Variants in CHSY1 observed in about 807,000 individuals in gnomAD.
The protein encoded by CHSY1 is chondroitin sulfate synthase 1.
In CHSY1, 13 loss-of-function variants were observed where a neutral mutation model predicts 59.8. The ratio of observed to expected loss-of-function variants is 0.22; its 90% confidence interval spans 0.14 to 0.35. The LOEUF (loss-of-function observed/expected upper bound fraction) is 0.35. Ranked by LOEUF, CHSY1 falls within the 10% of genes least tolerant of loss-of-function variation. The pLI is 1.00. For missense variants in CHSY1, 947 were observed against 1,030.6 expected, an observed-to-expected ratio of 0.92 and a Z score of 1.11; for synonymous variants, 459 against 401.2, an observed-to-expected ratio of 1.14 and a Z score of -1.72.
chr15:101,244,163 G>A (rs2039029375), intron 1 of CHSY1, among the ~76,000 whole-genome samples: 1 of 152,112 alleles, frequency 6.6e-6, no homozygotes, highest in African/African-American at 2.4e-5. Context: ...CTGTAGCTAG[G>A]TTTTCTTGTT....
intron 1 of CHSY1, among the ~76,000 whole-genome samples, chr15:101,241,336 A>G (rs949507812): frequency 3.9e-5 from 6 of 152,110 alleles, no homozygotes; most frequent in Non-Finnish European, 8.8e-5. Context: ...TGATCCGCCC[A>G]CCTCGGCCTC....
At chr15:101,226,562 G>A (rs944109105) in intron 2 of CHSY1, among the ~76,000 whole-genome samples, 1 of 152,072 alleles carries the variant, frequency 6.6e-6, no homozygotes, top group African/African-American at 2.4e-5. Context: ...GATGCCATCT[G>A]GCCTTACCCT....
chr15:101,181,977 T>C (rs2038286691), intron 2 of CHSY1, among the ~76,000 whole-genome samples: 1 of 152,122 alleles, frequency 6.6e-6, no homozygotes, highest in African/African-American at 2.4e-5. Flanking sequence ...GAAAAGAAAA[T>C]GTTATTAAGA....
In CHSY1 at chr15:101,178,680, T is replaced by A; in HGVS notation, c.1117A>T (p.Ile373Phe). ...MRFQPRQREE[I>F]LEWEFLTGKY... ...CCAGTCAGAAACTCCCATTCCAGAATCTCCTCTCGCTGGCGGGGCTGAAAC... is the reference window on the plus strand; with the variant it reads ...CCAGTCAGAAACTCCCATTCCAGAAACTCCTCTCGCTGGCGGGGCTGAAAC... Residue 373 changes from isoleucine to phenylalanine, a missense_variant, in exon 3 of 3, where the codon ATT (isoleucine) becomes TTT (phenylalanine). Physicochemically the swap from Ile to Phe is conservative, Grantham distance 21. Transcript: ENST00000254190. 3.7e-6 allele frequency: 6 copies of A among 1,614,178 alleles called. No homozygotes were observed. Among genetic ancestry groups the A allele is most frequent in the Non-Finnish European group, 5.1e-6 (6 of 1,180,030 alleles).
chr15:101,210,531 G>A (rs1380373341), intron 2 of CHSY1, among the ~76,000 whole-genome samples: 2 of 152,122 alleles, frequency 1.3e-5, no homozygotes, highest in Non-Finnish European at 2.9e-5. Flanking sequence ...TCTAAGTTGT[G>A]ATTTTAAAGA....
chr15:101,214,895 A>C (rs1438661823), intron 2 of CHSY1, among the ~76,000 whole-genome samples: 2 of 151,748 alleles, frequency 1.3e-5, no homozygotes, highest in Non-Finnish European at 2.9e-5. Context: ...TGGCTGGATC[A>C]TGGAGGTGGA....
rs763160520 is a variant in CHSY1, at chr15:101,235,279, T to C, written c.619A>G (p.Met207Val). 1 of 1,614,162 alleles carries C rather than the reference T, an allele frequency of 6.2e-7. No individual in the cohort carries two copies. The change falls in exon 2 of 3, where the codon ATG (methionine) becomes GTG (valine). Residue 207 changes from methionine (M) to valine (V), a missense_variant. Coordinates refer to ENST00000254190, the MANE Select transcript of CHSY1 (RefSeq NM_014918.5). ...GQTGLGTTEE[M>V]GKLALEPGEN... ...CCAGGCTCCAGGGCCAGTTTTCCCATTTCTTCCGTGGTGCCCAGGCCTGTC... is the reference window on the plus strand; with the variant it reads ...CCAGGCTCCAGGGCCAGTTTTCCCACTTCTTCCGTGGTGCCCAGGCCTGTC...
Position 101,176,834 on chromosome 15 carries a change from G to T in CHSY1, c.*554C>A. 1 of 160,728 alleles carries T rather than the reference G, an allele frequency of 6.2e-6. No individual in the cohort carries two copies. Among genetic ancestry groups the T allele is most frequent in the Non-Finnish European group, 1.4e-5 (1 of 73,906 alleles). 10.0% of individuals were successfully genotyped at this position (160,728 alleles called of 1,614,324 possible). A position where few individuals can be genotyped will look rare whatever the true frequency, so the allele number is the denominator to read the frequency against. The stretch of plus-strand genomic sequence containing the variant: ...AACAAAACAAACAAAAAACCTACGT[G>T]GCCATGCTGAGCAGAGTACCATGAG... On this transcript the variant is annotated 3_prime_UTR_variant, in exon 3 of 3. Transcript: ENST00000254190.
At chr15:101,231,248 C>T (rs8043243) in intron 2 of CHSY1, among the ~76,000 whole-genome samples, 64,808 of 152,088 alleles carry the variant, frequency 0.43, 15,333 homozygotes, top group African/African-American at 0.64. Flanking sequence ...ATAGCCCGAA[C>T]GTCCATCAAA....
chr15:101,211,824 GGAAT>G (rs1235344856), intron 2 of CHSY1, among the ~76,000 whole-genome samples: 3 of 151,880 alleles, frequency 2.0e-5, no homozygotes, highest in Admixed American at 2.0e-4. Flanking sequence ...AGAAGGCAAT[GGAAT>G]GATATCTTCC....
At chr15:101,226,515 C>T (rs1170295320) in intron 2 of CHSY1, among the ~76,000 whole-genome samples, 1 of 152,164 alleles carries the variant, frequency 6.6e-6, no homozygotes, top group African/African-American at 2.4e-5. Context: ...TGTGCCCAAA[C>T]CAATGTCCTC....
rs1158979061 is a variant in CHSY1, at chr15:101,211,255, T to C, written c.816+23827A>G. On this transcript the variant is annotated intron_variant, in intron 2 of 2. Transcript: ENST00000254190. ...AGAAAAATCACTTGAACCTGGGAGA[T>C]GGAGGTTGCAGTGAGCTGAGATTGC... is the stretch of plus-strand genomic sequence containing the variant. 2.0e-5 allele frequency among the ~76,000 whole-genome samples: 3 copies of C among 152,118 alleles called. No individual in the cohort carries two copies. The East Asian group carries it at 5.8e-4, about 29-fold the overall frequency.
chr15:101,211,775 C>T lies in CHSY1; in HGVS notation c.816+23307G>A, dbSNP rs552703536. Reference sequence around the variant, plus strand: ...AAATACCTTCAAAGAAAAAACAATACGACTTGAGAGGTGATTTCATCAGAA... The same window carrying T: ...AAATACCTTCAAAGAAAAAACAATATGACTTGAGAGGTGATTTCATCAGAA... On this transcript the variant is annotated intron_variant, in intron 2 of 2. Coordinates refer to ENST00000254190, the MANE Select transcript of CHSY1 (RefSeq NM_014918.5). Among the ~76,000 whole-genome samples the T allele has an allele frequency of 5.3e-5, 8 of 152,002 alleles. No homozygotes were observed. In the South Asian group the frequency reaches 6.2e-4, roughly 12 times the overall value.
chr15:101,208,386 G>C (rs1415435766), intron 2 of CHSY1, among the ~76,000 whole-genome samples: 1 of 151,476 alleles, frequency 6.6e-6, no homozygotes, highest in Non-Finnish European at 1.5e-5. Context: ...ATGCCAGAAA[G>C]AAATTGCTCA....
Position 101,179,768 on chromosome 15 carries a change from A to G in CHSY1, c.817-788T>C, listed in dbSNP as rs544353419. Among the ~76,000 whole-genome samples the G allele has an allele frequency of 1.1e-3, 167 of 152,300 alleles. 1 individual carries two copies. Among genetic ancestry groups the G allele is most frequent in the African/African-American group, 3.9e-3 (161 of 41,566 alleles). ...ACATGCAGGACGCACAGGGCTCACCATTCCACCAACCCTGCCTCCGCCCCG... is the reference window on the plus strand; with the variant it reads ...ACATGCAGGACGCACAGGGCTCACCGTTCCACCAACCCTGCCTCCGCCCCG... On this transcript the variant is annotated intron_variant, in intron 2 of 2. Coordinates refer to ENST00000254190, the MANE Select transcript of CHSY1 (RefSeq NM_014918.5).
chr15:101,251,500 G>GCCGC lies in CHSY1; in HGVS notation c.-45_-44insGCGG. The GCCGC allele has an allele frequency of 1.8e-4, 8 of 44,832 alleles. No individual in the cohort carries two copies. Among genetic ancestry groups the GCCGC allele is most frequent in the African/African-American group, 3.5e-4 (1 of 2,824 alleles). The allele number at this position is 44,832 out of a possible 1,614,324, so 2.8% of individuals were successfully genotyped here. A position where few individuals can be genotyped will look rare whatever the true frequency, so the allele number is the denominator to read the frequency against. On this transcript the variant is annotated 5_prime_UTR_variant, in exon 1 of 3. Coordinates refer to ENST00000254190, the MANE Select transcript of CHSY1 (RefSeq NM_014918.5). ...GCCGGGCCGCCGCCGCAGGCTCCGC[G>GCCGC]CGCCCTCAGCCCGCTGCCCCCGCCC...
rs3784525 is a variant in CHSY1 at position 101,176,690 on chromosome 15, G to A, written c.*698C>T. 5,076 of 293,730 alleles carry A rather than the reference G, an allele frequency of 0.017. 64 individuals carry two copies. The highest frequency in any genetic ancestry group is 0.053 in the East Asian group (975 of 18,298). 18.2% of individuals were successfully genotyped at this position (293,730 alleles called of 1,614,324 possible). ...GTGTGCCTGTAATCCCAGCTACTCG[G>A]GAGGCAAAGGCAGGGGAATTGCTTG... On this transcript the variant is annotated 3_prime_UTR_variant, in exon 3 of 3. Coordinates refer to ENST00000254190, the MANE Select transcript of CHSY1 (RefSeq NM_014918.5).
intron 1 of CHSY1, among the ~76,000 whole-genome samples, chr15:101,241,819 G>A (rs1225455572): frequency 1.3e-5 from 2 of 152,154 alleles, no homozygotes; most frequent in African/African-American, 2.4e-5. Context: ...TAGGAATTAA[G>A]GGTATATACA....
chr15:101,183,818 G>A (rs1596425012), intron 2 of CHSY1, among the ~76,000 whole-genome samples: 1 of 152,202 alleles, frequency 6.6e-6, no homozygotes, highest in African/African-American at 2.4e-5. Context: ...AACAGAGCAA[G>A]TATGGAGAAA....
Sources: gnomAD v4.1 joint callset for allele counts (sites outside exome capture counted in the v4.1 genomes callset) on GRCh38, gnomAD v4.1.1 for gene constraint, MANE v1.5 for transcripts, NCBI Gene and HGNC (gene_info 2026-07-23, HGNC 2026-07-21) for gene names.